MYO5B: variants seen among roughly 807,000 people sequenced by gnomAD.
MYO5B encodes myosin VB.
Under a neutral mutation model 229.3 loss-of-function variants are expected in MYO5B, and 143 were observed. The ratio of observed to expected loss-of-function variants is 0.62; its 90% CI spans 0.54 to 0.72. MYO5B has a LOEUF of 0.72. Ranked by LOEUF, MYO5B falls within the 30% of genes least tolerant of loss-of-function variation. The pLI, the probability that MYO5B is intolerant of heterozygous loss-of-function variation, is 0.00. For missense variants in MYO5B, 2,321 were observed against 2,331.0 expected (o/e 1.00, Z 0.09); for synonymous variants, 918 against 885.2 (o/e 1.04, Z -0.66).
chr18:49,826,120 G>T lies in MYO5B; in HGVS notation c.*351C>A. ...TATATATATTTGGTATTTTAATTTG[G>T]ACATTCTCTAGTTCTATGCAAAGAT... On this transcript the variant is annotated 3_prime_UTR_variant, in exon 40 of 40. Transcript: ENST00000285039. 1 of 285,456 alleles carries T rather than the reference G, an allele frequency of 3.5e-6. No homozygotes were observed. The highest frequency in any genetic ancestry group is 6.7e-6 in the Non-Finnish European group (1 of 148,396). The allele number at this position is 285,456 out of a possible 1,614,324, so 17.7% of individuals were successfully genotyped here.
chr18:49,996,039 G>T (rs944464239), intron 5 of MYO5B, among the ~76,000 whole-genome samples: 1 of 152,204 alleles, frequency 6.6e-6, no homozygotes, highest in Non-Finnish European at 1.5e-5. Context: ...CGTTTCAACA[G>T]ATAAGTTTCA....
rs571528949 is a variant in MYO5B at position 50,025,020 on chromosome 18, C to T, written c.455+11830G>A. Among the ~76,000 whole-genome samples the T allele has an allele frequency of 6.6e-5, 10 of 152,292 alleles. No homozygotes were observed. The South Asian group carries it at 1.2e-3, about 19-fold the overall frequency. On this transcript the variant is annotated intron_variant, in intron 4 of 39. Coordinates refer to ENST00000285039, the MANE Select transcript of MYO5B (RefSeq NM_001080467.3). ...GCAGCACATTCAGTGTTCATGAGGT[C>T]GGCTTGCTTTCTGACTCTCTTCCTC...
At position 49,880,475 on chromosome 18, in the gene MYO5B, G is replaced by GA. The variant is rs1346154719; in HGVS notation, c.3046-21dup. 10 of 1,594,650 alleles carry GA rather than the reference G, an allele frequency of 6.3e-6. No homozygotes were observed. The highest frequency in any genetic ancestry group is 7.7e-6 in the Non-Finnish European group (9 of 1,162,438). On this transcript the variant is annotated intron_variant, in intron 22 of 39. Transcript: ENST00000285039. ...AACTCGCTGGAAGAGAGCAATAGGGGAAAAATGTCTCATGATGCTGGGAAG... is the reference window on the plus strand; with the variant it reads ...AACTCGCTGGAAGAGAGCAATAGGGGAAAAAATGTCTCATGATGCTGGGAAG...
At chr18:50,113,496 T>C (rs904077091) in intron 1 of MYO5B, among the ~76,000 whole-genome samples, 1 of 152,246 alleles carries the variant, frequency 6.6e-6, no homozygotes, top group Non-Finnish European at 1.5e-5. Flanking sequence ...GGAACACTGC[T>C]CTGATATGGT....
rs570399340 is a variant in MYO5B, at chr18:49,982,900, G to A, written c.946+1818C>T. ...TGCTTTGAGCATTAAAGTATCCAGT[G>A]TCCTTAGAGCCTTGGAGGGAGCAAT... On this transcript the variant is annotated intron_variant, in intron 8 of 39. Coordinates refer to ENST00000285039, the MANE Select transcript of MYO5B (RefSeq NM_001080467.3). 1.3e-4 allele frequency among the ~76,000 whole-genome samples: 19 copies of A among 150,184 alleles called. No individual in the cohort carries two copies. In the South Asian group the frequency reaches 3.8e-3, roughly 30 times the overall value.
intron 1 of MYO5B, among the ~76,000 whole-genome samples, chr18:50,166,289 T>C (rs1038696163): frequency 3.3e-5 from 5 of 152,200 alleles, no homozygotes; most frequent in African/African-American, 9.7e-5. Context: ...GTCCCCAGAT[T>C]CTATCTGAAA....
At chr18:49,984,884 G>A (rs995840087) in intron 7 of MYO5B, 59 bp from the exon 8 acceptor site, 32 of 1,246,300 alleles carry the variant, frequency 2.6e-5, no homozygotes, top group African/African-American at 1.3e-4. Flanking sequence ...CCCACAGATC[G>A]TGACCCATGA....
Position 49,902,585 on chromosome 18 carries a change from G to T in MYO5B, c.2811+9C>A. On this transcript the variant is annotated intron_variant, in intron 21 of 39. Transcript: ENST00000285039. Reference sequence around the variant, plus strand: ...CCCGACACCCAGGTAGGGAGCTGCAGACACTGACCTGCTCATCGATCTTCC... The same window carrying T: ...CCCGACACCCAGGTAGGGAGCTGCATACACTGACCTGCTCATCGATCTTCC... 6.2e-7 allele frequency: 1 copy of T among 1,610,700 alleles called. No individual in the cohort carries two copies. The highest frequency in any genetic ancestry group is 1.1e-5 in the South Asian group (1 of 91,040).
At chr18:49,906,717 A>G in intron 18 of MYO5B, 87 bp from the exon 19 acceptor site, 1 of 1,231,006 alleles carries the variant, frequency 8.1e-7, no homozygotes, top group African/African-American at 1.5e-5. Flanking sequence ...TCCCATGCAG[A>G]ATCCCCTGGC....
chr18:49,912,616 A>C (rs545575154), intron 17 of MYO5B, among the ~76,000 whole-genome samples: 1 of 152,114 alleles, frequency 6.6e-6, no homozygotes, highest in Non-Finnish European at 1.5e-5. Flanking sequence ...TGGTTTTACA[A>C]GGGGTTTCCC....
rs2023841316 is a variant in MYO5B at position 49,826,173 on chromosome 18, A to G, written c.*298T>C. The G allele has an allele frequency of 2.6e-6, 1 of 387,562 alleles. No individual in the cohort carries two copies. The highest frequency in any genetic ancestry group is 2.4e-5 in the South Asian group (1 of 41,150). The allele number at this position is 387,562 out of a possible 1,614,324, so 24.0% of individuals were successfully genotyped here. Reference sequence around the variant, plus strand: ...AAACTAGGCAGCTTCGTTTTATAGAATTGACACCTTTTATATGTCTATGGG... The same window carrying G: ...AAACTAGGCAGCTTCGTTTTATAGAGTTGACACCTTTTATATGTCTATGGG... On this transcript the variant is annotated 3_prime_UTR_variant, in exon 40 of 40. Transcript: ENST00000285039.
chr18:50,151,896 C>G (rs1356781948), intron 1 of MYO5B, among the ~76,000 whole-genome samples: 1 of 152,166 alleles, frequency 6.6e-6, no homozygotes, highest in African/African-American at 2.4e-5. Flanking sequence ...TGGGTTCCAG[C>G]TTCCTCAGCC....
intron 1 of MYO5B, among the ~76,000 whole-genome samples, chr18:50,102,076 T>G (rs1416757093): frequency 6.6e-6 from 1 of 152,128 alleles, no homozygotes; most frequent in Non-Finnish European, 1.5e-5. Flanking sequence ...GATCATGTCC[T>G]TGGGTGAAGG....
At position 49,895,026 on chromosome 18, in the gene MYO5B, C is replaced by T. The variant is rs777122898; in HGVS notation, c.2960G>A (p.Ser987Asn). ...TSLRLQEEVE[S>N]LRTELQRAHS... ...GGCCCTCTGCAGCTCTGTGCGCAGGCTCTCCACCTCCTCCTGCAGCCTGAG... is the reference window on the plus strand; with the variant it reads ...GGCCCTCTGCAGCTCTGTGCGCAGGTTCTCCACCTCCTCCTGCAGCCTGAG... Residue 987 changes from serine (S) to asparagine (N), a missense_variant, in exon 22 of 40, where the codon AGC becomes AAC. Ser to Asn is a conservative substitution (Grantham distance 46, BLOSUM62 1). Coordinates refer to ENST00000285039, the MANE Select transcript of MYO5B (RefSeq NM_001080467.3). 6.2e-7 allele frequency: 1 copy of T among 1,614,004 alleles called. No homozygotes were observed. Among genetic ancestry groups the T allele is most frequent in the South Asian group, 1.1e-5 (1 of 91,080 alleles).
chr18:50,133,613 C>A (rs998749414), intron 1 of MYO5B, among the ~76,000 whole-genome samples: 3 of 152,188 alleles, frequency 2.0e-5, no homozygotes, highest in African/African-American at 7.2e-5. Context: ...TCTGTCCCCC[C>A]ACTGCAACCC....
chr18:49,901,766 G>A (rs1381427207), intron 21 of MYO5B, among the ~76,000 whole-genome samples: 1 of 152,242 alleles, frequency 6.6e-6, no homozygotes, highest in Non-Finnish European at 1.5e-5. Flanking sequence ...CAGAGCATGG[G>A]CTCTGGAGCC....
chr18:50,033,927 G>C (rs898899756), intron 4 of MYO5B, among the ~76,000 whole-genome samples: 30 of 151,640 alleles, frequency 2.0e-4, no homozygotes, highest in African/African-American at 6.8e-4. Context: ...GGTGGGTATG[G>C]GGGGGAATAA....
intron 14 of MYO5B, among the ~76,000 whole-genome samples, chr18:49,944,072 ATT>A (rs1420817223): frequency 6.6e-6 from 1 of 152,166 alleles, no homozygotes; most frequent in Non-Finnish European, 1.5e-5. Flanking sequence ...TCAGTTAAGA[ATT>A]TTTATTTTTA....
chr18:50,121,001 C>G (rs1321583928), intron 1 of MYO5B, among the ~76,000 whole-genome samples: 1 of 152,208 alleles, frequency 6.6e-6, no homozygotes, highest in African/African-American at 2.4e-5. Flanking sequence ...GCAAGACCAG[C>G]AACTTACGGC....
Sources: gnomAD v4.1 joint callset for allele counts (sites outside exome capture counted in the v4.1 genomes callset) on GRCh38, gnomAD v4.1.1 for gene constraint, MANE v1.5 for transcripts, NCBI Gene and HGNC (gene_info 2026-07-23, HGNC 2026-07-21) for gene names.